XIRP2: variants seen among roughly 807,000 people sequenced by gnomAD.
The protein encoded by XIRP2 is xin actin-binding repeat-containing protein 2.
Under a neutral mutation model 277.0 loss-of-function variants are expected in XIRP2, and 236 were observed. The ratio of observed to expected loss-of-function variants is 0.85; its 90% CI spans 0.77 to 0.95. The LOEUF (loss-of-function observed/expected upper bound fraction) is 0.95, where lower values mean the gene tolerates loss of function less well. Among genes scored for constraint, XIRP2 ranks in the 40% least tolerant of loss-of-function variants. The probability of loss-of-function intolerance (pLI) is 0.00; values close to 1 mark genes in which losing one functional copy is unlikely to be tolerated. For synonymous variants in XIRP2, 1,490 were observed against 1,416.5 expected (o/e 1.05, Z -1.17); for missense variants, 4,640 against 4,157.5 (o/e 1.12, Z -3.19).
chr2:167,130,994 C>T (rs1021352073), intron 2 of XIRP2, among the ~76,000 whole-genome samples: 2 of 152,076 alleles, frequency 1.3e-5, no homozygotes, highest in African/African-American at 4.8e-5. Context: ...CATCTTTAGT[C>T]ATCTCTCTTC....
At chr2:167,134,162 G>A (rs1020125255) in intron 2 of XIRP2, among the ~76,000 whole-genome samples, 1 of 151,144 alleles carries the variant, frequency 6.6e-6, no homozygotes, top group Non-Finnish European at 1.5e-5. Flanking sequence ...ATAAATGTAT[G>A]TACACACATA....
At chr2:167,131,726 C>CT (rs1332893916) in intron 2 of XIRP2, among the ~76,000 whole-genome samples, 3 of 152,104 alleles carry the variant, frequency 2.0e-5, no homozygotes, top group Non-Finnish European at 2.9e-5. Flanking sequence ...TTTATATACT[C>CT]TCCCCCTAAG....
intron 1 of XIRP2, among the ~76,000 whole-genome samples, chr2:166,893,250 C>A (rs1684154402): frequency 6.6e-6 from 1 of 151,960 alleles, no homozygotes; most frequent in Admixed American, 6.6e-5. Context: ...AGGCTTTTTC[C>A]TTCTGTGGAA....
At chr2:167,211,199 G>A (rs924822512) in intron 4 of XIRP2, among the ~76,000 whole-genome samples, 1 of 152,108 alleles carries the variant, frequency 6.6e-6, no homozygotes, top group Non-Finnish European at 1.5e-5. Flanking sequence ...CTGGGTTCAA[G>A]TGATTCTCTT....
chr2:167,215,560 A>G (rs188831484), intron 4 of XIRP2, among the ~76,000 whole-genome samples: 12 of 152,302 alleles, frequency 7.9e-5, no homozygotes, highest in African/African-American at 2.6e-4. Flanking sequence ...TTAAAGATCC[A>G]GGACCCCCAA....
intron 2 of XIRP2, among the ~76,000 whole-genome samples, chr2:166,969,331 C>T (rs185921143): frequency 6.6e-6 from 1 of 152,028 alleles, no homozygotes; most frequent in East Asian, 2.0e-4. Flanking sequence ...GTTTACTATA[C>T]AAAGTGAATT....
At chr2:166,904,765 C>CT (rs1406309022) in intron 2 of XIRP2, among the ~76,000 whole-genome samples, 1 of 151,968 alleles carries the variant, frequency 6.6e-6, no homozygotes, top group African/African-American at 2.4e-5. Flanking sequence ...AAAGTCCACG[C>CT]TTTTTTGTTT....
rs1448139908 is a variant in XIRP2 at position 167,249,465 on chromosome 2, G to A, written c.8073G>A (p.Lys2691=). 3 of 1,613,652 alleles carry A rather than the reference G, an allele frequency of 1.9e-6. No homozygotes were observed. In the African/African-American group the frequency reaches 4.0e-5, roughly 22 times the overall value. ...GTACCCAACAAACACAACAGAAGAAGTATTTGGAGCAGTTGCACTTGCCCC... is the reference window on the plus strand; with the variant it reads ...GTACCCAACAAACACAACAGAAGAAATATTTGGAGCAGTTGCACTTGCCCC... ...ECSTQQTQQK[K]YLEQLHLPQS... Residue 2691 remains lysine, a synonymous_variant, in exon 9 of 11, where the codon AAG becomes AAA. Transcript: ENST00000409195.
In XIRP2 at chr2:167,243,591, A is replaced by G. The variant is rs1346367439; in HGVS notation, c.2199A>G (p.Ile733Met). 8 of 1,614,066 alleles carry G rather than the reference A, an allele frequency of 5.0e-6. No individual in the cohort carries two copies. The highest frequency in any genetic ancestry group is 6.8e-6 in the Non-Finnish European group (8 of 1,180,006). The change falls in exon 9 of 11, where the codon ATA (isoleucine) becomes ATG (methionine). Residue 733 changes from isoleucine (I) to methionine (M), a missense_variant. By Grantham distance (10) the Ile-to-Met change is conservative. Transcript: ENST00000409195. ...TTAAGGGAAATGTTAAAAGAAGTAT[A>G]AAATGTTTCGAAACTCAACCATTAT... Reference protein sequence around the residue: ...KEIKGNVKRSIKCFETQPLYV... With the variant: ...KEIKGNVKRSMKCFETQPLYV...
intron 5 of XIRP2, among the ~76,000 whole-genome samples, chr2:167,235,727 G>A (rs1476658022): frequency 2.0e-5 from 3 of 151,944 alleles, no homozygotes; most frequent in Non-Finnish European, 2.9e-5. Flanking sequence ...AAGTCTTTAA[G>A]AGGGTATAAT....
intron 2 of XIRP2, among the ~76,000 whole-genome samples, chr2:167,100,139 C>G (rs768112811): frequency 6.6e-6 from 1 of 151,134 alleles, no homozygotes; most frequent in African/African-American, 2.4e-5. Flanking sequence ...AAACCATGCT[C>G]TCCCACTATA....
intron 3 of XIRP2, among the ~76,000 whole-genome samples, chr2:167,150,655 T>C (rs974305798): frequency 2.0e-5 from 3 of 151,958 alleles, no homozygotes; most frequent in African/African-American, 7.2e-5. Flanking sequence ...TAACATTTTA[T>C]AGGAAGAAAT....
intron 3 of XIRP2, among the ~76,000 whole-genome samples, chr2:167,178,164 A>G (rs1692906426): frequency 6.6e-6 from 1 of 152,128 alleles, no homozygotes; most frequent in Admixed American, 6.5e-5. Context: ...GAACACATAT[A>G]TGTGCCTGTA....
intron 5 of XIRP2, among the ~76,000 whole-genome samples, chr2:167,233,700 A>G (rs1364761856): frequency 6.6e-6 from 1 of 151,586 alleles, no homozygotes; most frequent in Non-Finnish European, 1.5e-5. Context: ...CTTTTTCTTT[A>G]GAATATTTTA....
At chr2:167,047,817 G>C (rs1426166816) in intron 2 of XIRP2, among the ~76,000 whole-genome samples, 1 of 151,878 alleles carries the variant, frequency 6.6e-6, no homozygotes, top group Non-Finnish European at 1.5e-5. Context: ...CAGTAACAAA[G>C]GCAGTGGAAC....
chr2:167,101,329 T>G (rs1338289670), intron 2 of XIRP2, among the ~76,000 whole-genome samples: 1 of 152,214 alleles, frequency 6.6e-6, no homozygotes, highest in Non-Finnish European at 1.5e-5. Flanking sequence ...ATATAATTTT[T>G]TACTTCCATA....
chr2:167,065,237 TA>T, intron 2 of XIRP2, among the ~76,000 whole-genome samples: 1 of 151,918 alleles, frequency 6.6e-6, no homozygotes, highest in Non-Finnish European at 1.5e-5. Flanking sequence ...TTTAAATTTT[TA>T]TTTTCTTAAT....
intron 2 of XIRP2, among the ~76,000 whole-genome samples, chr2:166,923,699 T>C (rs1291778372): frequency 6.6e-6 from 1 of 152,078 alleles, no homozygotes; most frequent in African/African-American, 2.4e-5. Context: ...TACTTGCAGT[T>C]TCAAGGAGTT....
chr2:167,093,341 A>C (rs1049807197), intron 2 of XIRP2, among the ~76,000 whole-genome samples: 2 of 151,986 alleles, frequency 1.3e-5, no homozygotes, highest in African/African-American at 4.8e-5. Flanking sequence ...ATTATACTTT[A>C]AGTTCTGGGA....
Sources: gnomAD v4.1 joint callset for allele counts (sites outside exome capture counted in the v4.1 genomes callset) on GRCh38, gnomAD v4.1.1 for gene constraint, MANE v1.5 for transcripts, NCBI Gene and HGNC (gene_info 2026-07-23, HGNC 2026-07-21) for gene names.